The following TAFA2 variants were observed in gnomAD, a reference collection of about 807,000 sequenced individuals.
TAFA2 encodes the protein TAFA chemokine like family member 2.
In TAFA2, 7 loss-of-function variants were observed where a neutral mutation model predicts 18.8. The observed-to-expected ratio is 0.37, with a 90% CI of 0.21 to 0.70. The LOEUF is 0.70. Among genes scored for constraint, TAFA2 ranks in the 30% least tolerant of loss-of-function variants. The pLI is 0.53. For synonymous variants in TAFA2, 60 were observed against 54.2 expected (o/e 1.11, Z -0.47); for missense variants, 122 against 158.1 (o/e 0.77, Z 1.23).
intron 1 of TAFA2, among the ~76,000 whole-genome samples, chr12:62,078,615 T>A (rs750690608): frequency 3.3e-5 from 5 of 152,048 alleles, no homozygotes; most frequent in African/African-American, 7.2e-5. Context: ...TGCTAAAAAT[T>A]CCCCACCTCT....
chr12:61,836,082 A>T (rs1872907838), intron 2 of TAFA2, among the ~76,000 whole-genome samples: 1 of 151,620 alleles, frequency 6.6e-6, no homozygotes, highest in Non-Finnish European at 1.5e-5. Flanking sequence ...AACACCACAT[A>T]CTCTTGGTTG....
At chr12:61,834,462 C>T (rs1292193207) in intron 2 of TAFA2, among the ~76,000 whole-genome samples, 1 of 151,952 alleles carries the variant, frequency 6.6e-6, no homozygotes, top group Non-Finnish European at 1.5e-5. Context: ...TGGCTTCTAC[C>T]GAGGGAAATC....
intron 1 of TAFA2, among the ~76,000 whole-genome samples, chr12:62,134,540 T>C (rs1242364841): frequency 1.8e-4 from 28 of 151,998 alleles, no homozygotes; most frequent in Admixed American, 1.8e-3. Flanking sequence ...AAATGGTTGT[T>C]TAAGGCACTC....
chr12:61,964,814 T>C (rs1879013160), intron 1 of TAFA2, among the ~76,000 whole-genome samples: 1 of 151,920 alleles, frequency 6.6e-6, no homozygotes, highest in Non-Finnish European at 1.5e-5. Flanking sequence ...CAGGACCCAG[T>C]CCAAAAGACA....
intron 1 of TAFA2, among the ~76,000 whole-genome samples, chr12:61,916,476 A>G (rs1484675509): frequency 6.6e-6 from 1 of 152,212 alleles, no homozygotes; most frequent in African/African-American, 2.4e-5. Context: ...TCATTGTTCT[A>G]TTGTTAATGT....
At chr12:62,215,777 T>G (rs139795313) in intron 1 of TAFA2, among the ~76,000 whole-genome samples, 1,962 of 131,246 alleles carry the variant, frequency 0.015, 50 homozygotes, top group African/African-American at 0.053. Context: ...ATATGACACT[T>G]GCAAGTTACA....
At chr12:62,097,169 C>G (rs1868987182) in intron 1 of TAFA2, among the ~76,000 whole-genome samples, 3 of 152,098 alleles carry the variant, frequency 2.0e-5, no homozygotes, top group Non-Finnish European at 4.4e-5. Context: ...GACATGATCT[C>G]TAATTGCAAG....
At chr12:62,160,730 C>T (rs2062401006) in intron 1 of TAFA2, among the ~76,000 whole-genome samples, 1 of 152,174 alleles carries the variant, frequency 6.6e-6, no homozygotes, top group South Asian at 2.1e-4. Context: ...CGTGAGTTAT[C>T]TCCAGGTACT....
intron 2 of TAFA2, among the ~76,000 whole-genome samples, chr12:61,803,125 G>T (rs1416984184): frequency 6.6e-6 from 1 of 151,852 alleles, no homozygotes; most frequent in Non-Finnish European, 1.5e-5. Flanking sequence ...GCATAGATCT[G>T]ACCAATACTT....
intron 1 of TAFA2, among the ~76,000 whole-genome samples, chr12:62,169,579 C>G (rs1019027714): frequency 2.6e-5 from 4 of 152,188 alleles, no homozygotes; most frequent in African/African-American, 9.6e-5. Context: ...AGGCCGGGCA[C>G]AGTGGCTCAC....
chr12:61,718,613 A>G (rs538135175), intron 4 of TAFA2, among the ~76,000 whole-genome samples: 1 of 152,306 alleles, frequency 6.6e-6, no homozygotes, highest in East Asian at 1.9e-4. Flanking sequence ...CCTCAAGGAA[A>G]TCTTAGCAGG....
At chr12:61,813,983 C>G (rs1464047172) in intron 2 of TAFA2, among the ~76,000 whole-genome samples, 2 of 151,378 alleles carry the variant, frequency 1.3e-5, no homozygotes, top group Non-Finnish European at 2.9e-5. Flanking sequence ...AATATCGGAG[C>G]ACATCAATAT....
At chr12:62,111,524 T>G (rs1869730043) in intron 1 of TAFA2, among the ~76,000 whole-genome samples, 3 of 152,224 alleles carry the variant, frequency 2.0e-5, no homozygotes, top group African/African-American at 7.2e-5. Flanking sequence ...AGAGCTGAGT[T>G]CAAGTCCTGA....
At chr12:61,786,774 C>A (rs560767798) in intron 2 of TAFA2, among the ~76,000 whole-genome samples, 1 of 151,148 alleles carries the variant, frequency 6.6e-6, no homozygotes, top group East Asian at 1.9e-4. Context: ...TAATACTATA[C>A]GTGAAAGAGT....
chr12:62,090,473 CAG>C (rs1462430010), intron 1 of TAFA2, among the ~76,000 whole-genome samples: 3 of 152,006 alleles, frequency 2.0e-5, no homozygotes, highest in African/African-American at 7.2e-5. Context: ...AGTTTCTAAA[CAG>C]AACAGTTGGC....
chr12:61,994,939 C>T (rs554590596), intron 1 of TAFA2, among the ~76,000 whole-genome samples: 12 of 152,286 alleles, frequency 7.9e-5, no homozygotes, highest in Non-Finnish European at 1.2e-4. Context: ...CTGACACCAT[C>T]CCATTCTAGA....
chr12:61,886,854 T>C (rs1163219618), intron 1 of TAFA2, among the ~76,000 whole-genome samples: 1 of 152,218 alleles, frequency 6.6e-6, no homozygotes, highest in East Asian at 1.9e-4. Flanking sequence ...GTAATGATAG[T>C]ACTGAATAGT....
intron 1 of TAFA2, among the ~76,000 whole-genome samples, chr12:62,060,469 A>G (rs566119786): frequency 2.9e-4 from 44 of 152,392 alleles, no homozygotes; most frequent in African/African-American, 1.0e-3. Flanking sequence ...ATAAAAGCGT[A>G]GCACATACAA....
At chr12:61,726,175 G>A (rs944893202) in intron 4 of TAFA2, among the ~76,000 whole-genome samples, 3 of 151,574 alleles carry the variant, frequency 2.0e-5, no homozygotes, top group Non-Finnish European at 4.4e-5. Context: ...TGTTTTAAGA[G>A]TAGAATAACT....
Sources: gnomAD v4.1 joint callset for allele counts (sites outside exome capture counted in the v4.1 genomes callset) on GRCh38, gnomAD v4.1.1 for gene constraint, MANE v1.5 for transcripts, NCBI Gene and HGNC (gene_info 2026-07-23, HGNC 2026-07-21) for gene names.